Variants in ZNF184 observed in about 807,000 individuals in gnomAD.
ZNF184 encodes zinc finger protein 184 (Kruppel-like).
In ZNF184, 16 loss-of-function variants were observed where a neutral mutation model predicts 54.4. The ratio of observed to expected loss-of-function variants is 0.29; its 90% CI spans 0.20 to 0.45. ZNF184 has a LOEUF of 0.45. Ranked by LOEUF, ZNF184 falls within the 20% of genes least tolerant of loss-of-function variation. The pLI is 1.00. For synonymous variants in ZNF184, 254 were observed against 295.3 expected (o/e 0.86, Z 1.43); for missense variants, 681 against 888.2 (o/e 0.77, Z 2.97).
chr6:27,459,994 C>T lies in ZNF184; in HGVS notation c.76-2585G>A, dbSNP rs367619888. On this transcript the variant is annotated intron_variant, in intron 3 of 5. Transcript: ENST00000683788. The stretch of plus-strand genomic sequence containing the variant: ...CCTGCGCAACACAGTGAGACCTCAT[C>T]GGCACTAAAGATAAAAATAGAAATA... Among the ~76,000 whole-genome samples, 38 of 152,220 alleles carry T rather than the reference C, an allele frequency of 2.5e-4. 1 individual carries two copies. The highest frequency in any genetic ancestry group is 1.1e-3 in the Admixed American group (17 of 15,286).
At chr6:27,427,287 A>G in the ZNF184 span, among the ~76,000 whole-genome samples, 1 of 152,114 alleles carries the variant, frequency 6.6e-6, no homozygotes, top group African/African-American at 2.4e-5. Context: ...GTACTTTATG[A>G]TTTTTGAACC....
Position 27,467,884 on chromosome 6 carries a change from C to T in ZNF184, c.44G>A (p.Gly15Glu). ...SSPDSTLLQG[G>E]HNLLSSASFQ... Reference sequence around the variant, plus strand: ...ACTGGCTGATGAGAGTAGATTATGTCCCCCTTGGAGAAGGGTGGAGTCTGG... The same window carrying T: ...ACTGGCTGATGAGAGTAGATTATGTTCCCCTTGGAGAAGGGTGGAGTCTGG... Residue 15 changes from glycine to glutamate, a missense_variant, in exon 3 of 6, where the codon GGA becomes GAA. Coordinates refer to ENST00000683788, the MANE Select transcript of ZNF184 (RefSeq NM_001318891.2). 2 of 1,611,988 alleles carry T rather than the reference C, an allele frequency of 1.2e-6. No homozygotes were observed. The highest frequency in any genetic ancestry group is 1.7e-6 in the Non-Finnish European group (2 of 1,179,084).
At position 27,451,480 on chromosome 6, in the gene ZNF184, A is replaced by G. The variant is rs369013649; in HGVS notation, c.2079T>C (p.Thr693=). 3.8e-5 allele frequency: 61 copies of G among 1,614,056 alleles called. No homozygotes were observed. The highest frequency in any genetic ancestry group is 4.7e-5 in the Non-Finnish European group (56 of 1,180,008). Residue 693 remains threonine, a synonymous_variant, in exon 6 of 6, where the codon ACT becomes ACC. Coordinates refer to ENST00000683788, the MANE Select transcript of ZNF184 (RefSeq NM_001318891.2). ...THLTEHQNTH[T]GEKPYNCNEC... ...CATTACAGTTATAAGGTTTCTCTCC[A>G]GTATGAGTATTCTGATGTTCAGTCA...
intron 3 of ZNF184, among the ~76,000 whole-genome samples, chr6:27,459,458 G>C (rs570583471): frequency 6.6e-6 from 1 of 151,652 alleles, no homozygotes; most frequent in Non-Finnish European, 1.5e-5. Flanking sequence ...GCAAGTCACC[G>C]AGGAAAATGT....
Position 27,472,168 on chromosome 6 carries a change from C to A in ZNF184, c.7+120G>T. 7.4e-7 allele frequency: 1 copy of A among 1,359,830 alleles called. No homozygotes were observed. Among genetic ancestry groups the A allele is most frequent in the Non-Finnish European group, 1.0e-6 (1 of 976,758 alleles). 84.2% of individuals were successfully genotyped at this position (1,359,830 alleles called of 1,614,324 possible). A position where few individuals can be genotyped will look rare whatever the true frequency, so the allele number is the denominator to read the frequency against. On this transcript the variant is annotated intron_variant, in intron 2 of 5. Coordinates refer to ENST00000683788, the MANE Select transcript of ZNF184 (RefSeq NM_001318891.2). This position sits in a 1 kb window ranked among gnomAD's most constrained non-coding sequence, Gnocchi z 4.8. ...AATGTAATTCGGTTTCTTTGCTAAT[C>A]CCTAAGCATACCGTTCCTTCCTTCC...
chr6:27,441,980 A>C, the ZNF184 span, among the ~76,000 whole-genome samples: 2 of 152,220 alleles, frequency 1.3e-5, no homozygotes, highest in African/African-American at 4.8e-5. Flanking sequence ...AAAAAATGTG[A>C]AATTAGTGCA....
the ZNF184 span, among the ~76,000 whole-genome samples, chr6:27,423,779 A>G: frequency 2.0e-5 from 3 of 152,230 alleles, no homozygotes; most frequent in African/African-American, 4.8e-5. Flanking sequence ...CAAAAATGTT[A>G]TAATTTATAC....
the ZNF184 span, among the ~76,000 whole-genome samples, chr6:27,430,590 A>G: frequency 6.6e-6 from 1 of 152,194 alleles, no homozygotes; most frequent in Admixed American, 6.5e-5. Flanking sequence ...CCACAAGCCA[A>G]GGAATCCTGG....
chr6:27,472,332 C>G lies in ZNF184; in HGVS notation c.-38G>C. On this transcript the variant is annotated 5_prime_UTR_variant, in exon 2 of 6. Coordinates refer to ENST00000683788, the MANE Select transcript of ZNF184 (RefSeq NM_001318891.2). This position sits in a 1 kb window ranked among gnomAD's most constrained non-coding sequence, Gnocchi z 4.8. Reference sequence around the variant, plus strand: ...TCCCGTTCCTCTGGAACTTGAACACCAGGGTTCGCCAGGCAGCGTTCCTTC... The same window carrying G: ...TCCCGTTCCTCTGGAACTTGAACACGAGGGTTCGCCAGGCAGCGTTCCTTC... The G allele has an allele frequency of 6.2e-7, 1 of 1,613,920 alleles. No homozygotes were observed. The highest frequency in any genetic ancestry group is 8.5e-7 in the Non-Finnish European group (1 of 1,179,900).
At chr6:27,469,556 G>A (rs545003686) in intron 2 of ZNF184, among the ~76,000 whole-genome samples, 1 of 152,242 alleles carries the variant, frequency 6.6e-6, no homozygotes, top group Admixed American at 6.5e-5. Context: ...CAGGAGAACT[G>A]CTTGAACCCG....
the ZNF184 span, among the ~76,000 whole-genome samples, chr6:27,439,865 A>G: frequency 6.6e-6 from 1 of 152,208 alleles, no homozygotes; most frequent in African/African-American, 2.4e-5. Flanking sequence ...ATCCTCTGTG[A>G]ATAAGAAGGG....
In ZNF184 at chr6:27,452,196, A is replaced by G; in HGVS notation, c.1363T>C (p.Phe455Leu). The G allele has an allele frequency of 6.2e-7, 1 of 1,614,066 alleles. No homozygotes were observed. Among genetic ancestry groups the G allele is most frequent in the South Asian group, 1.1e-5 (1 of 91,068 alleles). Reference sequence around the variant, plus strand: ...TGAGCAAGGGATGACCAGTAACTAAAAGATTTTCCACATTCTGCACAATCA... The same window carrying G: ...TGAGCAAGGGATGACCAGTAACTAAGAGATTTTCCACATTCTGCACAATCA... ...PYDCAECGKSFSYWSSLAQHL... is the reference protein window; with the variant it reads ...PYDCAECGKSLSYWSSLAQHL... Residue 455 changes from phenylalanine to leucine, a missense_variant, in exon 6 of 6, where the codon TTT becomes CTT. Physicochemically the swap from Phe to Leu is conservative, Grantham distance 22. Transcript: ENST00000683788. This position sits in a 1 kb window ranked among gnomAD's most constrained non-coding sequence, Gnocchi z 5.5.
downstream of ZNF184, among the ~76,000 whole-genome samples, chr6:27,445,869 G>C (rs1473552353): frequency 2.0e-5 from 3 of 152,146 alleles, no homozygotes; most frequent in Admixed American, 1.3e-4. Flanking sequence ...CTGCGTTCTA[G>C]GGCCTTATAA....
At chr6:27,455,060 A>G (rs1004217285) in intron 5 of ZNF184, among the ~76,000 whole-genome samples, 1 of 152,222 alleles carries the variant, frequency 6.6e-6, no homozygotes, top group Non-Finnish European at 1.5e-5. Context: ...CAAACTCAAC[A>G]TAGGTACTGT....
chr6:27,439,073 G>A, the ZNF184 span, among the ~76,000 whole-genome samples: 2 of 152,142 alleles, frequency 1.3e-5, no homozygotes, highest in Admixed American at 6.5e-5. Flanking sequence ...CAGATCAGCA[G>A]CATCACCAAG....
intron 3 of ZNF184, among the ~76,000 whole-genome samples, chr6:27,461,228 C>T (rs1762987214): frequency 6.6e-6 from 1 of 152,124 alleles, no homozygotes; most frequent in Non-Finnish European, 1.5e-5. Flanking sequence ...GTTTCTGTGG[C>T]TCACAGTAAC....
At chr6:27,439,612 T>C in the ZNF184 span, among the ~76,000 whole-genome samples, 402 of 152,364 alleles carry the variant, frequency 2.6e-3, 1 homozygote, top group African/African-American at 8.7e-3. Flanking sequence ...AGGTATCTTA[T>C]CATCTCGCAT....
At chr6:27,447,577 G>A (rs1024157631), downstream of ZNF184, among the ~76,000 whole-genome samples, 2 of 152,100 alleles carry the variant, frequency 1.3e-5, no homozygotes, top group African/African-American at 4.8e-5. Context: ...GCTGGGCATG[G>A]TGGCAGGCGC....
the ZNF184 span, among the ~76,000 whole-genome samples, chr6:27,438,669 C>T: frequency 1.3e-5 from 2 of 152,066 alleles, no homozygotes; most frequent in African/African-American, 4.8e-5. Flanking sequence ...TGAAATATCC[C>T]AATATTAGCA....
Sources: gnomAD v4.1 joint callset for allele counts (sites outside exome capture counted in the v4.1 genomes callset) on GRCh38, gnomAD v4.1.1 for gene constraint, Gnocchi (gnomAD v3.1) non-coding constraint, MANE v1.5 for transcripts, NCBI Gene and HGNC (gene_info 2026-07-23, HGNC 2026-07-21) for gene names.